Variants in PPP1R1C observed in about 807,000 individuals in gnomAD.
PPP1R1C encodes the protein protein phosphatase 1 regulatory subunit 1C.
In PPP1R1C, 15 loss-of-function variants were observed where a neutral mutation model predicts 17.4. That is an observed-to-expected ratio of 0.86 (90% CI 0.58 to 1.33). PPP1R1C has a LOEUF of 1.33. Ranked by LOEUF, PPP1R1C falls within the 40% of genes most tolerant of loss-of-function variation. The probability of loss-of-function intolerance (pLI) is 0.00; values close to 1 mark genes in which losing one functional copy is unlikely to be tolerated. For synonymous variants in PPP1R1C, 35 were observed against 43.1 expected (o/e 0.81, Z 0.73); for missense variants, 143 against 130.0 (o/e 1.10, Z -0.48).
intron 2 of PPP1R1C, among the ~76,000 whole-genome samples, chr2:182,039,238 T>C (rs371069363): frequency 6.6e-6 from 1 of 152,250 alleles, no homozygotes; most frequent in Non-Finnish European, 1.5e-5. Context: ...TCCTTTCCTA[T>C]GTTATCATCT....
chr2:182,080,072 C>T (rs1464305086), intron 4 of PPP1R1C, among the ~76,000 whole-genome samples: 2 of 152,216 alleles, frequency 1.3e-5, no homozygotes. Flanking sequence ...ATACATACCT[C>T]ACTGGTTTTG....
chr2:182,080,961 C>T lies in PPP1R1C; in HGVS notation c.241+17170C>T, dbSNP rs146586184. Among the ~76,000 whole-genome samples the T allele has an allele frequency of 7.9e-3, 1,204 of 152,210 alleles. 20 individuals are homozygous for T. The highest frequency in any genetic ancestry group is 0.027 in the African/African-American group (1,119 of 41,540). On this transcript the variant is annotated intron_variant, in intron 4 of 4. Coordinates refer to ENST00000682840, the MANE Select transcript of PPP1R1C (RefSeq NM_001080545.3). ...AAATGCTTCAGCATAGTACTATGCC[C>T]CTCATCCATGGTCAAGAAATACTAG... is the stretch of plus-strand genomic sequence containing the variant.
intron 1 of PPP1R1C, among the ~76,000 whole-genome samples, chr2:181,964,563 A>G (rs774121364): frequency 6.6e-6 from 1 of 152,174 alleles, no homozygotes; most frequent in African/African-American, 2.4e-5. Context: ...CATAGTGGCT[A>G]TACTAATTTA....
chr2:182,059,429 T>G (rs1437034885), intron 2 of PPP1R1C, among the ~76,000 whole-genome samples: 2 of 151,974 alleles, frequency 1.3e-5, no homozygotes, highest in Non-Finnish European at 2.9e-5. Context: ...TTATGCTTCA[T>G]GTGGGATCCA....
At chr2:182,038,285 C>T (rs781699028) in intron 2 of PPP1R1C, among the ~76,000 whole-genome samples, 36 of 152,044 alleles carry the variant, frequency 2.4e-4, no homozygotes, top group East Asian at 1.9e-4. Flanking sequence ...GCAATCTGCC[C>T]GCCTCGGCCT....
At chr2:182,124,327 G>GTTTTTTT (rs1294464668) in intron 5 of PPP1R1C, among the ~76,000 whole-genome samples, 2 of 83,010 alleles carry the variant, frequency 2.4e-5, no homozygotes, top group Non-Finnish European at 4.3e-5. Context: ...TTTTTTTTTT[G>GTTTTTTT]TTTTTTTTTT....
intron 2 of PPP1R1C, among the ~76,000 whole-genome samples, chr2:182,004,070 A>C (rs1685846513): frequency 2.0e-5 from 3 of 152,152 alleles, no homozygotes; most frequent in Admixed American, 1.3e-4. Context: ...CCATATACCT[A>C]GTTAAAATAT....
intron 4 of PPP1R1C, among the ~76,000 whole-genome samples, chr2:182,096,823 A>G (rs1688955244): frequency 6.6e-6 from 1 of 152,186 alleles, no homozygotes; most frequent in African/African-American, 2.4e-5. Flanking sequence ...TGTCAAAATC[A>G]TGCAAGTTGT....
In PPP1R1C at chr2:181,962,360, C is replaced by T. The variant is rs1177167063; in HGVS notation, n.111+7726C>T. ...CACGGATATCCGGGAACCAGAGCCCCCGGCGCCTGCATAGACGCTGGCCAT... is the reference window on the plus strand; with the variant it reads ...CACGGATATCCGGGAACCAGAGCCCTCGGCGCCTGCATAGACGCTGGCCAT... On this transcript the variant is annotated intron_variant and non_coding_transcript_variant, in intron 1 of 5. Coordinates refer to the PPP1R1C transcript ENST00000464264. The surrounding 1 kb of genome is among the most constrained non-coding windows in gnomAD (Gnocchi z 6.0). The T allele has an allele frequency of 1.7e-5, 16 of 930,876 alleles. No individual in the cohort carries two copies. The highest frequency in any genetic ancestry group is 2.7e-5 in the Non-Finnish European group (16 of 589,752). The allele number at this position is 930,876 out of a possible 1,614,324, so 57.7% of individuals were successfully genotyped here.
chr2:182,071,696 T>C (rs887282108), intron 4 of PPP1R1C, among the ~76,000 whole-genome samples: 2 of 152,210 alleles, frequency 1.3e-5, no homozygotes, highest in Non-Finnish European at 2.9e-5. Flanking sequence ...TCCTCCTCCA[T>C]TGATTTATCT....
chr2:182,027,679 G>C (rs1399130614), intron 2 of PPP1R1C, among the ~76,000 whole-genome samples: 11 of 147,690 alleles, frequency 7.4e-5, no homozygotes, highest in Admixed American at 7.3e-4. Flanking sequence ...TCTCTTTTTT[G>C]GTTGTGTCTC....
chr2:182,129,862 C>T (rs1689964902), exon 6 of PPP1R1C: 1 of 152,122 alleles, frequency 6.6e-6, no homozygotes, highest in Non-Finnish European at 1.5e-5. Flanking sequence ...AGACATAAAG[C>T]ATAGGCAGAT....
chr2:182,074,624 A>T lies in PPP1R1C; in HGVS notation c.241+10833A>T, dbSNP rs1427972907. The stretch of plus-strand genomic sequence containing the variant: ...GGGCAAACTTAAGATTACATTCTTC[A>T]CAAACTTGTCCTGGTCTATAACATT... On this transcript the variant is annotated intron_variant, in intron 4 of 4. Coordinates refer to ENST00000682840, the MANE Select transcript of PPP1R1C (RefSeq NM_001080545.3). 1.6e-4 allele frequency among the ~76,000 whole-genome samples: 24 copies of T among 152,202 alleles called. 1 individual carries two copies. The highest frequency in any genetic ancestry group is 1.6e-3 in the Admixed American group (24 of 15,286).
At chr2:182,025,216 T>C (rs1294011537) in intron 2 of PPP1R1C, among the ~76,000 whole-genome samples, 1 of 148,306 alleles carries the variant, frequency 6.7e-6, no homozygotes, top group Non-Finnish European at 1.5e-5. Flanking sequence ...TATTTATTTA[T>C]TTTTATTATA....
intron 4 of PPP1R1C, among the ~76,000 whole-genome samples, chr2:182,089,929 A>G (rs1270676169): frequency 6.6e-6 from 1 of 152,072 alleles, no homozygotes; most frequent in East Asian, 1.9e-4. Context: ...CAGCAATTTT[A>G]ATATATTTAA....
intron 2 of PPP1R1C, among the ~76,000 whole-genome samples, chr2:182,032,643 G>A (rs1359807674): frequency 1.3e-5 from 2 of 152,120 alleles, no homozygotes; most frequent in East Asian, 1.9e-4. Context: ...TGGGCTCAAA[G>A]TTAGACTGCT....
intron 4 of PPP1R1C, among the ~76,000 whole-genome samples, chr2:182,079,660 T>C (rs1238080527): frequency 6.6e-6 from 1 of 152,198 alleles, no homozygotes; most frequent in Non-Finnish European, 1.5e-5. Context: ...TCCCACAAAC[T>C]TGGTACTTAA....
intron 2 of PPP1R1C, among the ~76,000 whole-genome samples, chr2:182,039,475 C>T (rs1028768722): frequency 6.6e-6 from 1 of 152,148 alleles, no homozygotes; most frequent in Non-Finnish European, 1.5e-5. Context: ...GCCTTGACCT[C>T]CCCGACTCAG....
chr2:182,117,161 C>T (rs1162726831), intron 4 of PPP1R1C, 46 bp from the exon 5 acceptor site: 3 of 1,317,098 alleles, frequency 2.3e-6, no homozygotes, highest in East Asian at 5.0e-5. Flanking sequence ...GTTAATATTC[C>T]AGAAATGAAA....
Sources: allele counts gnomAD v4.1 joint callset (sites outside exome capture counted in the v4.1 genomes callset), GRCh38; gene constraint gnomAD v4.1.1; non-coding constraint Gnocchi (gnomAD v3.1); transcripts MANE v1.5; gene names NCBI Gene and HGNC (gene_info 2026-07-23, HGNC 2026-07-21).